The following ADAMTS6 variants were observed in gnomAD, a reference collection of about 807,000 sequenced individuals.
ADAMTS6 encodes the protein A disintegrin and metalloproteinase with thrombospondin motifs 6.
Under a neutral mutation model 144.3 loss-of-function variants are expected in ADAMTS6, and 23 were observed. The ratio of observed to expected loss-of-function variants is 0.16; its 90% CI spans 0.11 to 0.23. ADAMTS6 has a LOEUF of 0.23. ADAMTS6 is among the 10% of genes least tolerant of loss of function. The pLI is 1.00. For synonymous variants in ADAMTS6, 444 were observed against 457.5 expected (o/e 0.97, Z 0.38); for missense variants, 999 against 1,379.6 (o/e 0.72, Z 4.37).
intron 14 of ADAMTS6, among the ~76,000 whole-genome samples, chr5:65,257,237 C>A (rs192597180): frequency 6.6e-6 from 1 of 152,170 alleles, no homozygotes; most frequent in East Asian, 1.9e-4. Flanking sequence ...AGGTCCCCCT[C>A]TCAAGACTTA....
At chr5:65,287,731 C>T (rs55958337) in intron 11 of ADAMTS6, among the ~76,000 whole-genome samples, 30,499 of 151,944 alleles carry the variant, frequency 0.2, 3,091 homozygotes, top group African/African-American at 0.22. Context: ...GGTTTCTCCA[C>T]GTTGGTCAGG....
chr5:65,203,122 C>T (rs1237346396), intron 20 of ADAMTS6, among the ~76,000 whole-genome samples: 1 of 152,060 alleles, frequency 6.6e-6, no homozygotes, highest in Non-Finnish European at 1.5e-5. Context: ...AAGTTTGTAC[C>T]AGTGCGAGGT....
At chr5:65,374,231 T>C (rs536383061) in intron 7 of ADAMTS6, among the ~76,000 whole-genome samples, 67 of 152,192 alleles carry the variant, frequency 4.4e-4, no homozygotes, top group African/African-American at 1.5e-3. Flanking sequence ...CCACTCCTAT[T>C]CAACATAGTG....
chr5:65,354,097 T>G (rs975180565), intron 7 of ADAMTS6, among the ~76,000 whole-genome samples: 17 of 151,908 alleles, frequency 1.1e-4, no homozygotes, highest in African/African-American at 3.6e-4. Context: ...CATGAAGCAT[T>G]TTATGCCTAC....
At chr5:65,226,908 C>A (rs879602032) in intron 15 of ADAMTS6, among the ~76,000 whole-genome samples, 1 of 151,978 alleles carries the variant, frequency 6.6e-6, no homozygotes, top group Admixed American at 6.6e-5. Flanking sequence ...TTAAAAAAAC[C>A]TAAGAAAATA....
intron 3 of ADAMTS6, among the ~76,000 whole-genome samples, chr5:65,461,658 C>A (rs978509099): frequency 6.6e-6 from 1 of 152,192 alleles, no homozygotes; most frequent in Non-Finnish European, 1.5e-5. Context: ...AAACAGCACT[C>A]TGGGGAGCCC....
chr5:65,264,910 T>C (rs1761489746), intron 12 of ADAMTS6, among the ~76,000 whole-genome samples: 1 of 152,140 alleles, frequency 6.6e-6, no homozygotes. Context: ...AATAAGTAGT[T>C]AAATTAAGGA....
chr5:65,282,934 A>AT (rs1178218398), intron 11 of ADAMTS6, among the ~76,000 whole-genome samples: 1 of 152,092 alleles, frequency 6.6e-6, no homozygotes, highest in African/African-American at 2.4e-5. Context: ...TGGCTTTAAA[A>AT]TTTTTTTAAA....
intron 23 of ADAMTS6, 96 bp from the exon 24 acceptor site, chr5:65,170,869 A>G: frequency 7.4e-7 from 1 of 1,344,558 alleles, no homozygotes; most frequent in Non-Finnish European, 1.0e-6. Context: ...CACAATATGA[A>G]CTTTTTTTTT....
intron 15 of ADAMTS6, among the ~76,000 whole-genome samples, chr5:65,237,341 T>C (rs1259980670): frequency 4.0e-5 from 6 of 149,592 alleles, no homozygotes; most frequent in Admixed American, 2.7e-4. Flanking sequence ...TGAGATATGA[T>C]TGGGCCACTG....
chr5:65,392,583 G>C (rs142613649), intron 7 of ADAMTS6, among the ~76,000 whole-genome samples: 2 of 152,210 alleles, frequency 1.3e-5, no homozygotes, highest in East Asian at 3.9e-4. Context: ...CCTCCAGTAG[G>C]ATCCCTGTGT....
At chr5:65,387,693 G>T (rs955408195) in intron 7 of ADAMTS6, among the ~76,000 whole-genome samples, 1 of 152,176 alleles carries the variant, frequency 6.6e-6, no homozygotes, top group African/African-American at 2.4e-5. Context: ...TTCACCTCAT[G>T]TGGATTTTCA....
In ADAMTS6 at chr5:65,300,074, T is replaced by A; in HGVS notation, c.1281A>T (p.Ala427=). ...TAATGTGAGCTGCCATAAGTTTTGC[T>A]GCTTCATGACCTTTCGTCCCACAAG... ...GNSCGTKGHE[A]AKLMAAHITA... The change falls in exon 10 of 25, where the codon GCA becomes GCT. Residue 427 remains alanine (A), a synonymous_variant. Coordinates refer to ENST00000381055, the MANE Select transcript of ADAMTS6 (RefSeq NM_197941.4). 6.2e-7 allele frequency: 1 copy of A among 1,614,158 alleles called. No homozygotes were observed. The highest frequency in any genetic ancestry group is 8.5e-7 in the Non-Finnish European group (1 of 1,180,024).
chr5:65,235,629 C>T (rs945772472), intron 15 of ADAMTS6, among the ~76,000 whole-genome samples: 6 of 152,190 alleles, frequency 3.9e-5, no homozygotes, highest in African/African-American at 1.4e-4. Flanking sequence ...GACTATCTTT[C>T]TCCCATGCTG....
chr5:65,381,352 T>G (rs1056430697), intron 7 of ADAMTS6, among the ~76,000 whole-genome samples: 1 of 151,046 alleles, frequency 6.6e-6, no homozygotes, highest in African/African-American at 2.4e-5. Flanking sequence ...ATGGAAACTA[T>G]GAAGGATTAT....
chr5:65,392,027 C>G lies in ADAMTS6; in HGVS notation c.1074-57942G>C, dbSNP rs146201616. ...CTGAGATTATAGGCATGAACCACCG[C>G]ACCCAAGCTGACATTAACATTTTTT... On this transcript the variant is annotated intron_variant, in intron 7 of 24. Transcript: ENST00000381055. Among the ~76,000 whole-genome samples the G allele has an allele frequency of 2.6e-3, 389 of 152,200 alleles. 3 individuals carry two copies. Among genetic ancestry groups the G allele is most frequent in the African/African-American group, 9.1e-3 (376 of 41,544 alleles).
intron 7 of ADAMTS6, among the ~76,000 whole-genome samples, chr5:65,408,494 T>C (rs1442321587): frequency 1.3e-5 from 2 of 152,136 alleles, no homozygotes; most frequent in Admixed American, 6.6e-5. Context: ...CCCAGATTCA[T>C]AAAGCAAGTC....
chr5:65,271,049 T>G, intron 12 of ADAMTS6, among the ~76,000 whole-genome samples: 1 of 152,166 alleles, frequency 6.6e-6, no homozygotes, highest in Non-Finnish European at 1.5e-5. Flanking sequence ...TTTTGCCCCA[T>G]TTTATCACTT....
intron 7 of ADAMTS6, among the ~76,000 whole-genome samples, chr5:65,413,971 G>GA (rs1367687425): frequency 5.3e-5 from 8 of 152,162 alleles, no homozygotes; most frequent in African/African-American, 1.7e-4. Flanking sequence ...TAAACTGAAC[G>GA]AATCTGAGAA....
Sources: allele counts gnomAD v4.1 joint callset (sites outside exome capture counted in the v4.1 genomes callset), GRCh38; gene constraint gnomAD v4.1.1; transcripts MANE v1.5; gene names NCBI Gene and HGNC (gene_info 2026-07-23, HGNC 2026-07-21).